Variants in COL24A1 observed in about 807,000 individuals in gnomAD.
The protein encoded by COL24A1 is collagen alpha-1(XXIV) chain.
A neutral mutation model predicts 253.9 loss-of-function variants in COL24A1; 224 were observed. The ratio of observed to expected loss-of-function variants is 0.88; its 90% confidence interval spans 0.79 to 0.99. The LOEUF (loss-of-function observed/expected upper bound fraction) is 0.99, where lower values mean the gene tolerates loss of function less well. Among genes scored for constraint, COL24A1 ranks in the 50% least tolerant of loss-of-function variants. The pLI, the probability that COL24A1 is intolerant of heterozygous loss-of-function variation, is 0.00. For missense variants in COL24A1, 2,131 were observed against 2,068.5 expected (o/e 1.03, Z -0.59); for synonymous variants, 685 against 673.7 (o/e 1.02, Z -0.26).
intron 20 of COL24A1, among the ~76,000 whole-genome samples, chr1:85,982,887 G>A (rs1400602515): frequency 6.6e-6 from 1 of 151,892 alleles, no homozygotes; most frequent in Non-Finnish European, 1.5e-5. Flanking sequence ...TCTTATACAA[G>A]AAATCTGTGT....
At chr1:86,074,028 T>C (rs546837625) in intron 7 of COL24A1, among the ~76,000 whole-genome samples, 1 of 152,212 alleles carries the variant, frequency 6.6e-6, no homozygotes, top group South Asian at 2.1e-4. Context: ...GTAAAGACCA[T>C]TGACACCATA....
At chr1:85,875,161 A>G in intron 34 of COL24A1, 116 bp downstream of exon 34, 1 of 853,502 alleles carries the variant, frequency 1.2e-6, no homozygotes, top group South Asian at 1.5e-5. Flanking sequence ...TCCTGTTTTT[A>G]TCTGGGGGCT....
At chr1:85,815,526 A>G (rs962052887) in intron 47 of COL24A1, among the ~76,000 whole-genome samples, 36 of 152,326 alleles carry the variant, frequency 2.4e-4, no homozygotes, top group African/African-American at 8.2e-4. Flanking sequence ...AGGACTTCTT[A>G]ACAGCCTTCA....
chr1:85,943,654 G>A (rs1451018687), intron 24 of COL24A1, among the ~76,000 whole-genome samples: 1 of 152,212 alleles, frequency 6.6e-6, no homozygotes, highest in Non-Finnish European at 1.5e-5. Context: ...GCAATAATGA[G>A]GCTTTCGAAT....
intron 3 of COL24A1, among the ~76,000 whole-genome samples, chr1:86,120,912 A>G (rs912203049): frequency 2.0e-5 from 3 of 152,212 alleles, no homozygotes; most frequent in African/African-American, 7.2e-5. Context: ...GCAATGATAG[A>G]CTGCATTAAG....
chr1:85,841,122 C>A, intron 42 of COL24A1, 100 bp downstream of exon 42: 2 of 847,824 alleles, frequency 2.4e-6, no homozygotes, highest in South Asian at 1.7e-5. Flanking sequence ...ATAAAACTAA[C>A]AAAAGAAAAC....
At chr1:85,878,719 G>C (rs911717999) in intron 32 of COL24A1, among the ~76,000 whole-genome samples, 2 of 152,144 alleles carry the variant, frequency 1.3e-5, no homozygotes, top group African/African-American at 4.8e-5. Context: ...GAGAGCTCCT[G>C]TTGCTCCACA....
At chr1:86,122,352 AC>A (rs2102241847) in intron 3 of COL24A1, among the ~76,000 whole-genome samples, 1 of 151,926 alleles carries the variant, frequency 6.6e-6, no homozygotes, top group East Asian at 1.9e-4. Flanking sequence ...TCTTTCTATA[AC>A]CAAAAAGCAA....
intron 28 of COL24A1, among the ~76,000 whole-genome samples, chr1:85,901,877 C>T (rs1571150180): frequency 6.9e-6 from 1 of 144,302 alleles, no homozygotes; most frequent in Non-Finnish European, 1.5e-5. Flanking sequence ...AGGAATCCCA[C>T]TACTGGGTAT....
intron 43 of COL24A1, among the ~76,000 whole-genome samples, chr1:85,834,403 A>C (rs906269709): frequency 3.9e-5 from 6 of 152,140 alleles, no homozygotes; most frequent in African/African-American, 1.4e-4. Flanking sequence ...GATACTATTC[A>C]CTGAATTGAG....
At chr1:86,127,231 T>C (rs944236397) in intron 2 of COL24A1, among the ~76,000 whole-genome samples, 3 of 152,138 alleles carry the variant, frequency 2.0e-5, no homozygotes, top group Non-Finnish European at 4.4e-5. Flanking sequence ...TTTATCCAAC[T>C]TTTAGACTCT....
In COL24A1 at chr1:86,050,104, T is replaced by G. The variant is rs1700194090; in HGVS notation, c.1905+20A>C. On this transcript the variant is annotated intron_variant, in intron 11 of 59. Coordinates refer to ENST00000370571, the MANE Select transcript of COL24A1 (RefSeq NM_152890.7). ...CAAGTATATCACTTTAGAAATACTATTTGAAGGGAATGGACTTACCCGTTC... is the reference window on the plus strand; with the variant it reads ...CAAGTATATCACTTTAGAAATACTAGTTGAAGGGAATGGACTTACCCGTTC... The G allele has an allele frequency of 6.2e-7, 1 of 1,607,000 alleles. No homozygotes were observed. Among genetic ancestry groups the G allele is most frequent in the Admixed American group, 1.7e-5 (1 of 59,922 alleles).
At chr1:85,813,532 C>CTTTTTTTTTTT in intron 47 of COL24A1, among the ~76,000 whole-genome samples, 1 of 76,246 alleles carries the variant, frequency 1.3e-5, no homozygotes, top group Admixed American at 1.6e-4. Context: ...TCATTCAGGT[C>CTTTTTTTTTTT]TTTTTTTTTT....
At chr1:85,817,661 C>T (rs1673179013) in intron 46 of COL24A1, among the ~76,000 whole-genome samples, 1 of 151,892 alleles carries the variant, frequency 6.6e-6, no homozygotes, top group Non-Finnish European at 1.5e-5. Flanking sequence ...GAGGCTGAGT[C>T]CTCTAAAATC....
chr1:86,089,250 T>G, intron 6 of COL24A1, 23 bp from the exon 7 acceptor site: 1 of 1,550,294 alleles, frequency 6.5e-7, no homozygotes, highest in Non-Finnish European at 8.7e-7. Context: ...TACAGACGTT[T>G]AATGTCATGA....
At chr1:85,922,123 T>C (rs551566373) in intron 24 of COL24A1, among the ~76,000 whole-genome samples, 1 of 151,684 alleles carries the variant, frequency 6.6e-6, no homozygotes, top group South Asian at 2.1e-4. Context: ...AGAGAAAAAA[T>C]AATAAAAAGA....
chr1:86,080,178 G>A (rs1432971659), intron 7 of COL24A1, among the ~76,000 whole-genome samples: 4 of 152,132 alleles, frequency 2.6e-5, no homozygotes, highest in African/African-American at 9.7e-5. Flanking sequence ...GGCACAGAAA[G>A]ACAAACATCA....
At chr1:85,842,557 A>AT (rs545886535) in intron 39 of COL24A1, among the ~76,000 whole-genome samples, 164 bp from the exon 40 acceptor site, 18 of 151,084 alleles carry the variant, frequency 1.2e-4, no homozygotes, top group African/African-American at 3.4e-4. Context: ...ACTTTTGTCT[A>AT]TTTTTTTTTC....
At chr1:85,954,447 G>A (rs1690232653) in intron 24 of COL24A1, among the ~76,000 whole-genome samples, 1 of 152,146 alleles carries the variant, frequency 6.6e-6, no homozygotes, top group Non-Finnish European at 1.5e-5. Context: ...CTCCTTATCA[G>A]TCCCAGCTCT....
Sources: allele counts gnomAD v4.1 joint callset (sites outside exome capture counted in the v4.1 genomes callset), GRCh38; gene constraint gnomAD v4.1.1; transcripts MANE v1.5; gene names NCBI Gene and HGNC (gene_info 2026-07-23, HGNC 2026-07-21).